TNFSF8: variants seen among roughly 807,000 people sequenced by gnomAD.
TNFSF8 encodes tumor necrosis factor ligand superfamily member 8.
Under a neutral mutation model 22.0 loss-of-function variants are expected in TNFSF8, and 4 were observed. That is an observed-to-expected ratio of 0.18 (90% CI 0.09 to 0.42). The LOEUF is 0.42. Ranked by LOEUF, TNFSF8 falls within the 10% of genes least tolerant of loss-of-function variation. TNFSF8 has a pLI of 1.00. For synonymous variants in TNFSF8, 106 were observed against 112.5 expected, an observed-to-expected ratio of 0.94 and a Z score of 0.37; for missense variants, 233 against 281.8, an observed-to-expected ratio of 0.83 and a Z score of 1.24.
intron 1 of TNFSF8, among the ~76,000 whole-genome samples, chr9:114,918,591 A>G (rs1360991738): frequency 6.6e-6 from 1 of 152,060 alleles, no homozygotes; most frequent in Non-Finnish European, 1.5e-5. Context: ...CTGGGAGTAC[A>G]GGTGCACACC....
rs139761968 is a variant in TNFSF8, at chr9:114,913,727, G to T, written c.238+4369C>A. On this transcript the variant is annotated intron_variant, in intron 2 of 3. Coordinates refer to ENST00000223795, the MANE Select transcript of TNFSF8 (RefSeq NM_001244.4). ...CTCCTAACCAGCTCTGAAATTTTAG[G>T]CAAGGCAACAAGCCTGTCTGTGCTC... 2.4e-3 allele frequency among the ~76,000 whole-genome samples: 358 copies of T among 152,282 alleles called. 5 individuals carry two copies. The highest frequency in any genetic ancestry group is 8.2e-3 in the African/African-American group (340 of 41,552).
At chr9:114,894,085 T>C (rs1827632266) in exon 5 of TNFSF8, 4 of 1,534,826 alleles carry the variant, frequency 2.6e-6, no homozygotes, top group South Asian at 1.2e-5. Flanking sequence ...AGGTTCAGGG[T>C]TGTAGAGTTT....
chr9:114,916,074 A>G (rs1827914650), intron 2 of TNFSF8, among the ~76,000 whole-genome samples: 1 of 152,236 alleles, frequency 6.6e-6, no homozygotes, highest in Non-Finnish European at 1.5e-5. Flanking sequence ...TATGAAGTGG[A>G]CAGCTTTTTA....
At chr9:114,918,831 C>T (rs1827951424) in intron 1 of TNFSF8, among the ~76,000 whole-genome samples, 1 of 152,180 alleles carries the variant, frequency 6.6e-6, no homozygotes, top group Non-Finnish European at 1.5e-5. Flanking sequence ...GAACTCCTGA[C>T]CTTGTGGTCC....
intron 1 of TNFSF8, among the ~76,000 whole-genome samples, chr9:114,920,691 T>G (rs1025658179): frequency 2.6e-5 from 4 of 152,210 alleles, no homozygotes; most frequent in South Asian, 4.1e-4. Flanking sequence ...CTTTTTGAGA[T>G]GGAGCCTCAC....
At chr9:114,893,983 G>T in exon 5 of TNFSF8, 1 of 1,017,704 alleles carries the variant, frequency 9.8e-7, no homozygotes, top group Non-Finnish European at 1.5e-6. Context: ...TTTAGGCCCA[G>T]AGTGACTGGT....
intron 1 of TNFSF8, among the ~76,000 whole-genome samples, chr9:114,920,285 G>A (rs769015251): frequency 9.2e-5 from 14 of 152,300 alleles, no homozygotes; most frequent in Admixed American, 3.9e-4. Flanking sequence ...TCATCAAGCT[G>A]CCCAGGGACA....
rs1050043907 is a variant in TNFSF8, at chr9:114,902,639, G to A, written c.*1292C>T. ...CCATATTCTGGCTCTGCTGAGATGA[G>A]ATGCAGTCAGGTGTTACTAGTGTCT... On this transcript the variant is annotated 3_prime_UTR_variant, in exon 4 of 4. Transcript: ENST00000223795. The A allele has an allele frequency of 3.9e-5, 38 of 985,248 alleles. No individual in the cohort carries two copies. The highest frequency in any genetic ancestry group is 4.5e-5 in the Non-Finnish European group (37 of 829,926). The allele number at this position is 985,248 out of a possible 1,614,324, so 61.0% of individuals were successfully genotyped here.
At chr9:114,900,161 C>T (rs538672963), downstream of TNFSF8, among the ~76,000 whole-genome samples, 1 of 152,212 alleles carries the variant, frequency 6.6e-6, no homozygotes, top group Non-Finnish European at 1.5e-5. Flanking sequence ...AGCCTAGTGC[C>T]CTAAGAGGTT....
At chr9:114,919,020 GTTT>G (rs11372040) in intron 1 of TNFSF8, among the ~76,000 whole-genome samples, 4 of 144,178 alleles carry the variant, frequency 2.8e-5, no homozygotes, top group Non-Finnish European at 4.6e-5. Flanking sequence ...AAGTAGATGT[GTTT>G]TTTTTTTTTC....
chr9:114,905,959 C>T, intron 2 of TNFSF8, 60 bp from the exon 3 acceptor site: 1 of 1,146,438 alleles, frequency 8.7e-7, no homozygotes, highest in Non-Finnish European at 1.3e-6. Context: ...CTGGAAATAC[C>T]TGATCTTTTT....
chr9:114,926,001 T>C (rs918367535), intron 1 of TNFSF8, among the ~76,000 whole-genome samples: 5 of 152,236 alleles, frequency 3.3e-5, no homozygotes, highest in African/African-American at 1.2e-4. Context: ...TTTTATTTTT[T>C]CTTCTTTTGC....
intron 2 of TNFSF8, among the ~76,000 whole-genome samples, chr9:114,917,593 G>A (rs1827935483): frequency 6.6e-6 from 1 of 152,182 alleles, no homozygotes; most frequent in Non-Finnish European, 1.5e-5. Context: ...ACAAGTCCTT[G>A]ACTTCATTAT....
At chr9:114,917,457 T>C (rs1827933624) in intron 2 of TNFSF8, among the ~76,000 whole-genome samples, 1 of 152,214 alleles carries the variant, frequency 6.6e-6, no homozygotes, top group South Asian at 2.1e-4. Flanking sequence ...TCAGGTCATC[T>C]GAAAATTTCT....
rs111972285 is a variant in TNFSF8, at chr9:114,911,950, G to A, written c.239-6051C>T. Among the ~76,000 whole-genome samples, 4 of 152,084 alleles carry A rather than the reference G, an allele frequency of 2.6e-5. No individual in the cohort carries two copies. In the South Asian group the frequency reaches 8.3e-4, roughly 32 times the overall value. On this transcript the variant is annotated intron_variant, in intron 2 of 3. Transcript: ENST00000223795. ...GGAAAGGTGAGTCTGGAGACATAGG[G>A]TAAATTTTGCTAACATTCTAATAAC...
At chr9:114,909,179 T>C (rs1308922433) in intron 2 of TNFSF8, among the ~76,000 whole-genome samples, 1 of 152,220 alleles carries the variant, frequency 6.6e-6, no homozygotes, top group Non-Finnish European at 1.5e-5. Context: ...TCATGGGTCA[T>C]CAGCCGTGTG....
chr9:114,895,919 T>C (rs1278792752), intron 4 of TNFSF8, among the ~76,000 whole-genome samples: 1 of 152,236 alleles, frequency 6.6e-6, no homozygotes, highest in Non-Finnish European at 1.5e-5. Context: ...ATTCCTAGTG[T>C]TGCCCAATAT....
chr9:114,927,999 T>G (rs1465214245), intron 1 of TNFSF8, among the ~76,000 whole-genome samples: 2 of 152,076 alleles, frequency 1.3e-5, no homozygotes, highest in Non-Finnish European at 2.9e-5. Flanking sequence ...CTTACAACAG[T>G]TAAGGTCTGA....
rs761869224 is a variant in TNFSF8 at position 114,904,319 on chromosome 9, T to G, written c.317A>C (p.Lys106Thr). ...KKSWAYLQVA[K>T]HLNKTKLSWN... ...AGACAACTTGGTTTTGTTTAGATGCTTTGCCACTAGAAAGAGAAGTATAGA... is the reference window on the plus strand; with the variant it reads ...AGACAACTTGGTTTTGTTTAGATGCGTTGCCACTAGAAAGAGAAGTATAGA... Residue 106 changes from lysine (K) to threonine (T), a missense_variant, in exon 4 of 4, where the codon AAG becomes ACG. Physicochemically the swap from Lys to Thr is moderately conservative, Grantham distance 78. Transcript: ENST00000223795. 2.5e-6 allele frequency: 4 copies of G among 1,602,148 alleles called. No individual in the cohort carries two copies. The highest frequency in any genetic ancestry group is 2.6e-6 in the Non-Finnish European group (3 of 1,173,180).
Sources: gnomAD v4.1 joint callset for allele counts (sites outside exome capture counted in the v4.1 genomes callset) on GRCh38, gnomAD v4.1.1 for gene constraint, MANE v1.5 for transcripts, NCBI Gene and HGNC (gene_info 2026-07-23, HGNC 2026-07-21) for gene names.